The following RNF180 variants were observed in gnomAD, a reference collection of about 807,000 sequenced individuals.
RNF180 encodes the protein E3 ubiquitin-protein ligase RNF180.
A neutral mutation model predicts 59.2 loss-of-function variants in RNF180; 38 were observed. That is an observed-to-expected ratio of 0.64 (90% CI 0.50 to 0.84). The LOEUF (loss-of-function observed/expected upper bound fraction) is 0.84. RNF180 is among the 40% of genes least tolerant of loss of function. The pLI is 0.00. For synonymous variants in RNF180, 262 were observed against 240.3 expected (o/e 1.09, Z -0.84); for missense variants, 705 against 700.9 (o/e 1.01, Z -0.07).
chr5:64,235,231 C>T (rs1471705294), intron 5 of RNF180, among the ~76,000 whole-genome samples: 2 of 152,110 alleles, frequency 1.3e-5, no homozygotes, highest in East Asian at 3.9e-4. Flanking sequence ...TGCAGTGAGC[C>T]ATGGTTGTGC....
At chr5:64,333,825 C>T (rs914702573) in intron 7 of RNF180, among the ~76,000 whole-genome samples, 1 of 152,168 alleles carries the variant, frequency 6.6e-6, no homozygotes, top group African/African-American at 2.4e-5. Context: ...AGCATTATTA[C>T]ACCACCCAAC....
At chr5:64,253,754 A>G (rs1490920012) in intron 5 of RNF180, among the ~76,000 whole-genome samples, 1 of 152,076 alleles carries the variant, frequency 6.6e-6, no homozygotes, top group Non-Finnish European at 1.5e-5. Flanking sequence ...AGTGCTTGTA[A>G]TAAGTGGAGT....
At chr5:64,295,776 T>C (rs556472351) in intron 5 of RNF180, among the ~76,000 whole-genome samples, 4 of 152,346 alleles carry the variant, frequency 2.6e-5, no homozygotes, top group African/African-American at 9.6e-5. Flanking sequence ...TGCTAGTTTT[T>C]AAAGTATGTT....
chr5:64,218,380 C>T (rs531185906), intron 5 of RNF180, among the ~76,000 whole-genome samples: 1 of 151,980 alleles, frequency 6.6e-6, no homozygotes, highest in African/African-American at 2.4e-5. Flanking sequence ...AAAACAATGT[C>T]CTTCCTTCAT....
chr5:64,236,770 G>A (rs1273156304), intron 5 of RNF180, among the ~76,000 whole-genome samples: 1 of 152,128 alleles, frequency 6.6e-6, no homozygotes, highest in Non-Finnish European at 1.5e-5. Flanking sequence ...TGTCCCAGCT[G>A]CTCTAGCCCC....
chr5:64,214,749 C>T (rs561880884), intron 4 of RNF180, among the ~76,000 whole-genome samples: 16 of 152,180 alleles, frequency 1.1e-4, no homozygotes, highest in African/African-American at 1.7e-4. Flanking sequence ...TGCAATTTTT[C>T]GCAATTCTAA....
intron 1 of RNF180, among the ~76,000 whole-genome samples, chr5:64,179,360 C>A (rs969668248): frequency 6.6e-6 from 1 of 151,848 alleles, no homozygotes; most frequent in African/African-American, 2.4e-5. Context: ...AATTTAAGCC[C>A]CCTTTGGTTT....
intron 5 of RNF180, among the ~76,000 whole-genome samples, chr5:64,263,939 C>G (rs553998001): frequency 1.3e-5 from 2 of 152,230 alleles, no homozygotes; most frequent in East Asian, 3.9e-4. Context: ...TACTAAGATT[C>G]ACCTATATTG....
chr5:64,206,424 T>G (rs1752019101), intron 2 of RNF180, among the ~76,000 whole-genome samples: 1 of 152,188 alleles, frequency 6.6e-6, no homozygotes, highest in Non-Finnish European at 1.5e-5. Context: ...ATTATTAGAG[T>G]ATATACCTCC....
At chr5:64,248,288 A>G (rs548864948) in intron 5 of RNF180, among the ~76,000 whole-genome samples, 97 of 152,350 alleles carry the variant, frequency 6.4e-4, no homozygotes, top group Admixed American at 1.8e-3. Context: ...GCTTCTGCTC[A>G]GCAAAGGAAA....
rs981491488 is a variant in RNF180 at position 64,277,857 on chromosome 5, T to C, written c.1228-47329T>C. On this transcript the variant is annotated intron_variant, in intron 5 of 7. Transcript: ENST00000389100. ...TGAGCATACTTTTCCTTTGGTCTCA[T>C]TGGCCAAAGCTGGGCCAACTCTAGC... Among the ~76,000 whole-genome samples the C allele has an allele frequency of 1.1e-4, 16 of 152,152 alleles. No homozygotes were observed. In the East Asian group the frequency reaches 2.7e-3, roughly 26 times the overall value.
intron 5 of RNF180, among the ~76,000 whole-genome samples, chr5:64,259,212 AG>A (rs1744170815): frequency 6.6e-6 from 1 of 152,150 alleles, no homozygotes; most frequent in African/African-American, 2.4e-5. Flanking sequence ...GGGGAGGAAA[AG>A]GTTTCATGCA....
chr5:64,208,372 A>G (rs1017394926), intron 2 of RNF180, among the ~76,000 whole-genome samples: 1 of 151,872 alleles, frequency 6.6e-6, no homozygotes, highest in Non-Finnish European at 1.5e-5. Flanking sequence ...TTTCAGTCAA[A>G]TTTTTCCCGA....
intron 5 of RNF180, among the ~76,000 whole-genome samples, chr5:64,302,109 A>G (rs1743189456): frequency 6.6e-6 from 1 of 151,594 alleles, no homozygotes; most frequent in South Asian, 2.1e-4. Flanking sequence ...TCAAGTCTCC[A>G]TATGGCCCTT....
rs1239863934 is a variant in RNF180 at position 64,192,938 on chromosome 5, T to TAA, written c.1-7867_1-7866dup. ...ATATATATATATATATATATATATA[T>TAA]AAAATGAAACATTCAGCATCGAAAA... On this transcript the variant is annotated intron_variant, in intron 1 of 7. Transcript: ENST00000389100. 2.2e-5 allele frequency among the ~76,000 whole-genome samples: 3 copies of TAA among 133,508 alleles called. 1 individual carries two copies. The highest frequency in any genetic ancestry group is 5.8e-5 in the African/African-American group (2 of 34,306). 87.6% of individuals were successfully genotyped at this position (133,508 alleles called of 152,430 possible). A position where few individuals can be genotyped will look rare whatever the true frequency, so the allele number is the denominator to read the frequency against.
At chr5:64,286,285 T>C (rs1742278354) in intron 5 of RNF180, among the ~76,000 whole-genome samples, 1 of 152,218 alleles carries the variant, frequency 6.6e-6, no homozygotes, top group African/African-American at 2.4e-5. Flanking sequence ...ACCTTGAAGG[T>C]GCCAGGCTGA....
intron 5 of RNF180, among the ~76,000 whole-genome samples, chr5:64,311,521 TCTC>T (rs1156308103): frequency 1.2e-4 from 18 of 151,908 alleles, no homozygotes; most frequent in Non-Finnish European, 2.2e-4. Flanking sequence ...CTGCAAGTTC[TCTC>T]CTCTTTCCTG....
chr5:64,294,929 G>A (rs557433209), intron 5 of RNF180, among the ~76,000 whole-genome samples: 73 of 151,936 alleles, frequency 4.8e-4, no homozygotes, highest in Admixed American at 2.2e-3. Flanking sequence ...TTCCCCTCTC[G>A]TTCAATTTTT....
chr5:64,303,833 A>G (rs560749529), intron 5 of RNF180, among the ~76,000 whole-genome samples: 8 of 151,742 alleles, frequency 5.3e-5, no homozygotes, highest in African/African-American at 1.9e-4. Context: ...CACATTTTCA[A>G]TGCAGACATA....
Sources: gnomAD v4.1 joint callset for allele counts (sites outside exome capture counted in the v4.1 genomes callset) on GRCh38, gnomAD v4.1.1 for gene constraint, MANE v1.5 for transcripts, NCBI Gene and HGNC (gene_info 2026-07-23, HGNC 2026-07-21) for gene names.